KCNIP4: variants seen among roughly 807,000 people sequenced by gnomAD.
KCNIP4 encodes the protein Kv channel-interacting protein 4.
KCNIP4 carries 12 observed loss-of-function variants against 34.0 expected under a neutral mutation model. The ratio of observed to expected loss-of-function variants is 0.35; its 90% CI spans 0.23 to 0.57. The LOEUF (loss-of-function observed/expected upper bound fraction) is 0.57, where lower values mean the gene tolerates loss of function less well. KCNIP4 is among the 20% of genes least tolerant of loss of function. KCNIP4 has a pLI of 0.83. For synonymous variants in KCNIP4, 124 were observed against 102.2 expected (o/e 1.21, Z -1.29); for missense variants, 238 against 311.7 (o/e 0.76, Z 1.78).
rs182160207 is a variant in KCNIP4, at chr4:21,488,504, G to A, written c.61+460067C>T. Among the ~76,000 whole-genome samples the A allele has an allele frequency of 8.5e-5, 13 of 152,134 alleles. No individual in the cohort carries two copies. The East Asian group carries it at 2.3e-3, about 27-fold the overall frequency. On this transcript the variant is annotated intron_variant, in intron 1 of 8. Transcript: ENST00000382152. ...GAATAAATGCCAAGACAAATGAAAT[G>A]TCACAAAATTAAAGAATATGCATAT...
intron 1 of KCNIP4, among the ~76,000 whole-genome samples, chr4:21,401,840 A>C (rs1723588407): frequency 6.6e-6 from 1 of 152,234 alleles, no homozygotes; most frequent in Non-Finnish European, 1.5e-5. Context: ...CTAGGCAAGC[A>C]TGAGGAAAGT....
intron 1 of KCNIP4, among the ~76,000 whole-genome samples, chr4:21,685,406 C>T (rs1750728118): frequency 1.3e-5 from 2 of 152,044 alleles, no homozygotes; most frequent in Admixed American, 1.3e-4. Flanking sequence ...TAAACTTGTC[C>T]AAGGTCACCT....
intron 3 of KCNIP4, among the ~76,000 whole-genome samples, chr4:20,841,205 TA>T (rs1418127761): frequency 6.6e-6 from 1 of 152,194 alleles, no homozygotes; most frequent in Non-Finnish European, 1.5e-5. Context: ...TGAGAGAAGA[TA>T]AAAATTTTAT....
At chr4:21,778,878 T>C (rs190057620) in intron 1 of KCNIP4, among the ~76,000 whole-genome samples, 252 of 152,262 alleles carry the variant, frequency 1.7e-3, no homozygotes, top group Non-Finnish European at 2.9e-3. Context: ...ATTAACTGTG[T>C]AACCTTGGGC....
chr4:21,000,994 T>C (rs1738080149), intron 1 of KCNIP4, among the ~76,000 whole-genome samples: 1 of 152,220 alleles, frequency 6.6e-6, no homozygotes, highest in South Asian at 2.1e-4. Context: ...ATAAACTACA[T>C]ATTGTTTTTA....
intron 2 of KCNIP4, among the ~76,000 whole-genome samples, chr4:20,864,201 T>C (rs1278234257): frequency 1.3e-5 from 2 of 150,652 alleles, no homozygotes; most frequent in African/African-American, 2.4e-5. Context: ...CATATGTATG[T>C]ACACACATGC....
intron 1 of KCNIP4, among the ~76,000 whole-genome samples, chr4:21,601,083 T>C (rs1288845692): frequency 2.0e-5 from 3 of 150,546 alleles, no homozygotes; most frequent in Admixed American, 6.6e-5. Flanking sequence ...CATCCCTTCA[T>C]TTAATCCCCC....
At chr4:21,873,402 G>C (rs1725920212) in intron 1 of KCNIP4, among the ~76,000 whole-genome samples, 1 of 152,148 alleles carries the variant, frequency 6.6e-6, no homozygotes, top group South Asian at 2.1e-4. Flanking sequence ...CTGAGCCCTA[G>C]ATAGACCTGA....
At chr4:21,433,836 G>A (rs537402663) in intron 1 of KCNIP4, among the ~76,000 whole-genome samples, 8 of 151,914 alleles carry the variant, frequency 5.3e-5, no homozygotes, top group Non-Finnish European at 1.2e-4. Context: ...ACTTACTATC[G>A]ACTTGCTTCC....
chr4:20,840,901 T>G (rs1223525222), intron 3 of KCNIP4, among the ~76,000 whole-genome samples: 1 of 152,156 alleles, frequency 6.6e-6, no homozygotes, highest in Non-Finnish European at 1.5e-5. Context: ...ATCCCATTAC[T>G]CATTTGATAG....
chr4:21,735,289 G>T (rs1169900974), intron 1 of KCNIP4, among the ~76,000 whole-genome samples: 1 of 152,126 alleles, frequency 6.6e-6, no homozygotes, highest in African/African-American at 2.4e-5. Flanking sequence ...CAGAAATTTT[G>T]TTAAGCTACT....
chr4:21,287,633 T>G (rs1763199971), intron 1 of KCNIP4, among the ~76,000 whole-genome samples: 1 of 152,210 alleles, frequency 6.6e-6, no homozygotes, highest in Non-Finnish European at 1.5e-5. Flanking sequence ...AGGAAGTTTG[T>G]GGAAGAACCT....
At chr4:21,914,426 T>C (rs542563062) in intron 1 of KCNIP4, among the ~76,000 whole-genome samples, 1 of 152,294 alleles carries the variant, frequency 6.6e-6, no homozygotes, top group East Asian at 1.9e-4. Flanking sequence ...TGACCTCACC[T>C]ATGCCAGTTC....
At chr4:21,739,470 A>G (rs989334593) in intron 1 of KCNIP4, among the ~76,000 whole-genome samples, 6 of 151,978 alleles carry the variant, frequency 3.9e-5, no homozygotes, top group Admixed American at 2.0e-4. Context: ...TTTTTTTCTT[A>G]AAACAATTTA....
At chr4:21,820,016 G>A (rs768475233) in intron 1 of KCNIP4, among the ~76,000 whole-genome samples, 1 of 151,780 alleles carries the variant, frequency 6.6e-6, no homozygotes, top group Non-Finnish European at 1.5e-5. Flanking sequence ...AATGTCCTCT[G>A]AGTACTTTTT....
At chr4:21,231,674 A>AAT (rs1758799570) in intron 1 of KCNIP4, among the ~76,000 whole-genome samples, 1 of 152,166 alleles carries the variant, frequency 6.6e-6, no homozygotes, top group Non-Finnish European at 1.5e-5. Flanking sequence ...CATTTACAGG[A>AAT]ATATTTGAAA....
chr4:21,640,747 G>A (rs963752837), intron 1 of KCNIP4, among the ~76,000 whole-genome samples: 2 of 152,130 alleles, frequency 1.3e-5, no homozygotes, highest in African/African-American at 4.8e-5. Flanking sequence ...GTAACAGAAT[G>A]ACCCAAAAAG....
intron 1 of KCNIP4, among the ~76,000 whole-genome samples, chr4:21,469,228 C>T (rs552457066): frequency 1.2e-4 from 19 of 152,110 alleles, no homozygotes; most frequent in African/African-American, 4.3e-4. Flanking sequence ...CCATGCCTGG[C>T]TATTTTCTTC....
At chr4:20,903,192 G>A (rs935301645) in intron 1 of KCNIP4, among the ~76,000 whole-genome samples, 2 of 152,124 alleles carry the variant, frequency 1.3e-5, no homozygotes, top group Admixed American at 6.5e-5. Flanking sequence ...AACTATCAAA[G>A]GCATACGAGG....
Sources: gnomAD v4.1 joint callset for allele counts (sites outside exome capture counted in the v4.1 genomes callset) on GRCh38, gnomAD v4.1.1 for gene constraint, MANE v1.5 for transcripts, NCBI Gene and HGNC (gene_info 2026-07-23, HGNC 2026-07-21) for gene names.